HPSE: variants seen among roughly 807,000 people sequenced by gnomAD.
The protein encoded by HPSE is endo-glucoronidase.
A neutral mutation model predicts 65.1 loss-of-function variants in HPSE; 48 were observed. That is an observed-to-expected ratio of 0.74 (90% CI 0.58 to 0.94). The LOEUF (loss-of-function observed/expected upper bound fraction) is 0.94. HPSE is among the 40% of genes least tolerant of loss of function. HPSE has a pLI of 0.00. For synonymous variants in HPSE, 243 were observed against 260.0 expected (o/e 0.93, Z 0.63); for missense variants, 644 against 637.5 (o/e 1.01, Z -0.11).
At chr4:83,322,689 T>C (rs569465193) in intron 1 of HPSE, among the ~76,000 whole-genome samples, 274 of 152,086 alleles carry the variant, frequency 1.8e-3, no homozygotes, top group African/African-American at 6.4e-3. Flanking sequence ...AAGGGAATCA[T>C]TGTTTAAAAG....
chr4:83,302,352 G>A (rs149233768), intron 9 of HPSE, 84 bp from the exon 10 acceptor site: 2 of 811,682 alleles, frequency 2.5e-6, no homozygotes, highest in East Asian at 2.5e-5. Flanking sequence ...CAAGCAAATA[G>A]TTATCCTACA....
intron 8 of HPSE, among the ~76,000 whole-genome samples, chr4:83,307,937 T>G (rs1372570261): frequency 6.6e-6 from 1 of 152,178 alleles, no homozygotes; most frequent in Admixed American, 6.6e-5. Context: ...GTTTGTGGTG[T>G]TGGACAATGA....
At chr4:83,315,654 A>T (rs10021543) in intron 3 of HPSE, among the ~76,000 whole-genome samples, 121,188 of 152,098 alleles carry the variant, frequency 0.8, 48,449 homozygotes, top group East Asian at 0.87. Flanking sequence ...TATAATATGA[A>T]CAGGGGTAAT....
chr4:83,312,841 CAAAAAA>C (rs1200808673), intron 4 of HPSE, among the ~76,000 whole-genome samples: 3 of 10,982 alleles, frequency 2.7e-4, no homozygotes, highest in Admixed American at 1.5e-3. Context: ...ACTAAAAATG[CAAAAAA>C]AAAAAAAAAA....
rs1735588720 is a variant in HPSE at position 83,292,577 on chromosome 4, T to C, written c.*2767A>G. ...ATTTTCAGCTTTAGCTCCTTACAAATATACTTAAATTGAATGAAATTGAAT... is the reference window on the plus strand; with the variant it reads ...ATTTTCAGCTTTAGCTCCTTACAAACATACTTAAATTGAATGAAATTGAAT... On this transcript the variant is annotated 3_prime_UTR_variant, in exon 12 of 12. Coordinates refer to ENST00000311412, the MANE Select transcript of HPSE (RefSeq NM_001098540.3). 1 of 152,208 alleles carries C rather than the reference T, an allele frequency of 6.6e-6. No individual in the cohort carries two copies. Among genetic ancestry groups the C allele is most frequent in the Non-Finnish European group, 1.5e-5 (1 of 68,028 alleles). 9.4% of individuals were successfully genotyped at this position (152,208 alleles called of 1,614,324 possible).
rs546426528 is a variant in HPSE, at chr4:83,323,208, G to T, written c.228-844C>A. Among the ~76,000 whole-genome samples, 7 of 152,224 alleles carry T rather than the reference G, an allele frequency of 4.6e-5. No homozygotes were observed. The East Asian group carries it at 9.6e-4, about 21-fold the overall frequency. On this transcript the variant is annotated intron_variant, in intron 1 of 11. Transcript: ENST00000311412. ...TGAATAGGTGGAGAACAGGGGATTT[G>T]CAGGGCACTGAAAATACTCTGTATG...
At chr4:83,295,624 A>G in intron 11 of HPSE, 121 bp from the exon 12 acceptor site, 1 of 632,488 alleles carries the variant, frequency 1.6e-6, no homozygotes, top group Non-Finnish European at 2.6e-6. Flanking sequence ...CCTATATTAT[A>G]TAACTTGTAT....
chr4:83,316,817 T>A (rs1180105820), intron 3 of HPSE, among the ~76,000 whole-genome samples: 2 of 152,260 alleles, frequency 1.3e-5, no homozygotes, highest in African/African-American at 4.8e-5. Flanking sequence ...GAACGCACCA[T>A]ACAAGAGGAC....
intron 11 of HPSE, among the ~76,000 whole-genome samples, chr4:83,295,876 C>T (rs1030490067): frequency 2.0e-5 from 3 of 152,130 alleles, no homozygotes; most frequent in Non-Finnish European, 2.9e-5. Flanking sequence ...ATAATTGAAA[C>T]CTTTTTTATG....
intron 11 of HPSE, 125 bp from the exon 12 acceptor site, chr4:83,295,628 C>G (rs1173360585): frequency 1.6e-6 from 1 of 609,656 alleles, no homozygotes. Flanking sequence ...TATTATATAA[C>G]TTGTATTTCA....
intron 1 of HPSE, among the ~76,000 whole-genome samples, chr4:83,328,535 CT>C (rs1737237270): frequency 6.6e-6 from 1 of 152,156 alleles, no homozygotes; most frequent in Non-Finnish European, 1.5e-5. Flanking sequence ...TCGGGGTAAC[CT>C]CATTCAACCC....
Position 83,310,089 on chromosome 4 carries a change from A to T in HPSE, c.843-11T>A. On this transcript the variant is annotated splice_polypyrimidine_tract_variant and intron_variant, in intron 5 of 11. Coordinates refer to ENST00000311412, the MANE Select transcript of HPSE (RefSeq NM_001098540.3). ...CCAGCCTTCAGGAAGCTAGAAAAAA[A>T]ATTTTATTATCACTCAGTCATATAA... The T allele has an allele frequency of 6.3e-7, 1 of 1,597,624 alleles. No homozygotes were observed. Among genetic ancestry groups the T allele is most frequent in the African/African-American group, 1.3e-5 (1 of 74,602 alleles).
intron 11 of HPSE, among the ~76,000 whole-genome samples, chr4:83,297,339 C>CTT (rs80243948): frequency 3.5e-5 from 5 of 141,138 alleles, no homozygotes; most frequent in Admixed American, 7.2e-5. Flanking sequence ...CTGTACATAC[C>CTT]TTTTTTTTTT....
chr4:83,321,456 T>C lies in HPSE; in HGVS notation c.373+763A>G, dbSNP rs143588500. Among the ~76,000 whole-genome samples the C allele has an allele frequency of 3.9e-3, 589 of 152,270 alleles. 3 individuals are homozygous for C. Among genetic ancestry groups the C allele is most frequent in the African/African-American group, 0.013 (559 of 41,538 alleles). On this transcript the variant is annotated intron_variant, in intron 2 of 11. Coordinates refer to ENST00000311412, the MANE Select transcript of HPSE (RefSeq NM_001098540.3). ...TATTATAATTCAGTGGTGTATACAATATTTTCAGTATTTTTTTCTCTTTAA... is the reference window on the plus strand; with the variant it reads ...TATTATAATTCAGTGGTGTATACAACATTTTCAGTATTTTTTTCTCTTTAA...
chr4:83,313,070 G>T, intron 4 of HPSE, 44 bp downstream of exon 4: 2 of 1,153,240 alleles, frequency 1.7e-6, no homozygotes, highest in Admixed American at 2.3e-5. Flanking sequence ...AATAATGCTA[G>T]TGGGGGATCT....
At position 83,295,487 on chromosome 4, in the gene HPSE, C is replaced by T. The variant is rs1735690251; in HGVS notation, c.1489G>A (p.Gly497Ser). 1 of 1,607,268 alleles carries T rather than the reference C, an allele frequency of 6.2e-7. No individual in the cohort carries two copies. The highest frequency in any genetic ancestry group is 8.5e-7 in the Non-Finnish European group (1 of 1,175,842). ...GLLSKSVQLN[G>S]LTLKMVDDQT... ...TCATCCACCATCTTTAGAGTTAGACCATTGAGTTGGACAGATCTGCAAAGG... is the reference window on the plus strand; with the variant it reads ...TCATCCACCATCTTTAGAGTTAGACTATTGAGTTGGACAGATCTGCAAAGG... Residue 497 changes from glycine (G) to serine (S), a missense_variant, in exon 12 of 12, where the codon GGT becomes AGT. By Grantham distance (56) the Gly-to-Ser change is moderately conservative (BLOSUM62 0). Coordinates refer to ENST00000311412, the MANE Select transcript of HPSE (RefSeq NM_001098540.3).
In HPSE at chr4:83,305,775, A is replaced by C. The variant is rs187605122; in HGVS notation, c.1206+428T>G. Among the ~76,000 whole-genome samples the C allele has an allele frequency of 8.4e-4, 128 of 152,340 alleles. 2 individuals carry two copies. Among genetic ancestry groups the C allele is most frequent in the African/African-American group, 2.9e-3 (122 of 41,576 alleles). Reference sequence around the variant, plus strand: ...AGTAAATTCTTAGCATGAGATTTTTAAGCAAACACATGGTACTGGCTCATT... The same window carrying C: ...AGTAAATTCTTAGCATGAGATTTTTCAGCAAACACATGGTACTGGCTCATT... On this transcript the variant is annotated intron_variant, in intron 9 of 11. Transcript: ENST00000311412.
chr4:83,312,334 G>A (rs1435323478), intron 4 of HPSE, among the ~76,000 whole-genome samples: 1 of 152,196 alleles, frequency 6.6e-6, no homozygotes, highest in Non-Finnish European at 1.5e-5. Flanking sequence ...AAGTTGCATT[G>A]TTGAGCACTT....
At chr4:83,320,284 G>A (rs1407493404) in intron 2 of HPSE, among the ~76,000 whole-genome samples, 1 of 152,148 alleles carries the variant, frequency 6.6e-6, no homozygotes, top group African/African-American at 2.4e-5. Context: ...ATCCACCCTG[G>A]TCAGGCACAG....
Sources: allele counts gnomAD v4.1 joint callset (sites outside exome capture counted in the v4.1 genomes callset), GRCh38; gene constraint gnomAD v4.1.1; transcripts MANE v1.5; gene names NCBI Gene and HGNC (gene_info 2026-07-23, HGNC 2026-07-21).